JAKMIP1: variants seen among roughly 807,000 people sequenced by gnomAD.
JAKMIP1 encodes janus kinase and microtubule interacting protein 1, also known as janus kinase and microtubule-interacting protein 1.
In JAKMIP1, 33 loss-of-function variants were observed where a neutral mutation model predicts 113.0. The ratio of observed to expected loss-of-function variants is 0.29; its 90% CI spans 0.22 to 0.39. JAKMIP1 has a LOEUF of 0.39. Among genes scored for constraint, JAKMIP1 ranks in the 10% least tolerant of loss-of-function variants. The pLI is 1.00. For missense variants in JAKMIP1, 813 were observed against 1,080.5 expected, an observed-to-expected ratio of 0.75 and a Z score of 3.47; for synonymous variants, 480 against 459.9, an observed-to-expected ratio of 1.04 and a Z score of -0.56.
chr4:6,147,677 C>T (rs1721022541), intron 1 of JAKMIP1, among the ~76,000 whole-genome samples: 1 of 152,250 alleles, frequency 6.6e-6, no homozygotes, highest in Non-Finnish European at 1.5e-5. Context: ...ACCGGGTCCA[C>T]ACCAACTCTC....
At chr4:6,159,395 A>G (rs1291240046) in intron 1 of JAKMIP1, among the ~76,000 whole-genome samples, 1 of 152,228 alleles carries the variant, frequency 6.6e-6, no homozygotes, top group Non-Finnish European at 1.5e-5. Flanking sequence ...ATCATAGAGC[A>G]AAAACATCAA....
In JAKMIP1 at chr4:6,064,953, G is replaced by A. The variant is rs775667524; in HGVS notation, c.1358C>T (p.Thr453Met). The change falls in exon 9 of 21, where the codon ACG becomes ATG. Residue 453 changes from threonine to methionine, a missense_variant. Thr to Met is a moderately conservative substitution (Grantham distance 81, BLOSUM62 -1). Around this residue, in one of 2 missense-constraint regions of JAKMIP1, gnomAD observed 540 missense variants for 653.9 expected, o/e 0.83. Coordinates refer to ENST00000409021, the MANE Select transcript of JAKMIP1 (RefSeq NM_001099433.2). The surrounding 1 kb of genome is among the most constrained non-coding windows in gnomAD (Gnocchi z 4.3). Reference sequence around the variant, plus strand: ...TGTGTTGTAGGATGTTTCGGACAACGTTTCTGAGTCCACAGACTCCTCATC... The same window carrying A: ...TGTGTTGTAGGATGTTTCGGACAACATTTCTGAGTCCACAGACTCCTCATC... ...GFDEESVDSE[T>M]LSETSYNTDR... 2.5e-6 allele frequency: 4 copies of A among 1,614,082 alleles called. No homozygotes were observed. Among genetic ancestry groups the A allele is most frequent in the Non-Finnish European group, 3.4e-6 (4 of 1,180,000 alleles).
intron 10 of JAKMIP1, 93 bp from the exon 11 acceptor site, chr4:6,060,600 GGTCCTTATAGGCA>G: frequency 2.2e-6 from 2 of 890,720 alleles, no homozygotes; most frequent in Non-Finnish European, 3.8e-6. Flanking sequence ...CAATGCCTAG[GGTCCTTATAGGCA>G]AACCTTAGGA....
At chr4:6,047,279 C>T (rs1264261606) in intron 16 of JAKMIP1, among the ~76,000 whole-genome samples, 2 of 152,262 alleles carry the variant, frequency 1.3e-5, no homozygotes, top group African/African-American at 2.4e-5. Flanking sequence ...GCACTTGACA[C>T]TAAGATGCTC....
intron 8 of JAKMIP1, among the ~76,000 whole-genome samples, chr4:6,068,172 C>T (rs1246833515): frequency 1.3e-5 from 2 of 152,096 alleles, no homozygotes; most frequent in Non-Finnish European, 2.9e-5. Flanking sequence ...ACTACCAATG[C>T]TGCCGAAAAC....
intron 3 of JAKMIP1, among the ~76,000 whole-genome samples, chr4:6,103,115 T>C (rs757312108): frequency 1.3e-5 from 2 of 152,236 alleles, no homozygotes; most frequent in Non-Finnish European, 2.9e-5. Flanking sequence ...AAATGTTCAA[T>C]ATTTCATCAT....
In JAKMIP1 at chr4:6,200,511, T is replaced by G. The variant is rs979372189; in HGVS notation, c.-406A>C. The G allele has an allele frequency of 2.0e-5, 3 of 150,464 alleles. No individual in the cohort carries two copies. The highest frequency in any genetic ancestry group is 7.3e-5 in the African/African-American group (3 of 41,060). The allele number at this position is 150,464 out of a possible 1,614,324, so 9.3% of individuals were successfully genotyped here. ...GAGGCCGCGGCACTGGTGGCCGCGA[T>G]CCGGGCAGGCGGCCGGCGCGTGCCG... On this transcript the variant is annotated 5_prime_UTR_variant, in exon 1 of 21. Coordinates refer to ENST00000409021, the MANE Select transcript of JAKMIP1 (RefSeq NM_001099433.2). The surrounding 1 kb of genome is among the most constrained non-coding windows in gnomAD (Gnocchi z 7.0).
At position 6,143,012 on chromosome 4, in the gene JAKMIP1, TG is replaced by T. The variant is rs1720378471; in HGVS notation, c.-147-30016del. Among the ~76,000 whole-genome samples, 1 of 152,130 alleles carries T rather than the reference TG, an allele frequency of 6.6e-6. No homozygotes were observed. Among genetic ancestry groups the T allele is most frequent in the South Asian group, 2.1e-4 (1 of 4,820 alleles). On this transcript the variant is annotated intron_variant, in intron 1 of 20. Coordinates refer to ENST00000409021, the MANE Select transcript of JAKMIP1 (RefSeq NM_001099433.2). This position sits in a 1 kb window ranked among gnomAD's most constrained non-coding sequence, Gnocchi z 4.9. ...AAAGAAAAACTGCCTCGATGCCTTC[TG>T]GGGGCAGCCTGGTGGACTCTGGAAG...
intron 13 of JAKMIP1, chr4:6,053,832 T>C (rs1296303983): frequency 3.6e-6 from 5 of 1,374,224 alleles, no homozygotes; most frequent in East Asian, 2.6e-5. Context: ...TACATGTCCA[T>C]AGACTTGGGT....
At chr4:6,085,996 C>G (rs1721241190) in intron 3 of JAKMIP1, among the ~76,000 whole-genome samples, 1 of 152,086 alleles carries the variant, frequency 6.6e-6, no homozygotes, top group Non-Finnish European at 1.5e-5. Flanking sequence ...CTCTCTCCGT[C>G]TCCAGGACCA....
At position 6,089,671 on chromosome 4, in the gene JAKMIP1, C is replaced by T. The variant is rs898501676; in HGVS notation, c.625-4042G>A. Among the ~76,000 whole-genome samples the T allele has an allele frequency of 6.6e-6, 1 of 152,164 alleles. No individual in the cohort carries two copies. Among genetic ancestry groups the T allele is most frequent in the Non-Finnish European group, 1.5e-5 (1 of 68,012 alleles). On this transcript the variant is annotated intron_variant, in intron 3 of 20. Coordinates refer to ENST00000409021, the MANE Select transcript of JAKMIP1 (RefSeq NM_001099433.2). The surrounding 1 kb of genome is among the most constrained non-coding windows in gnomAD (Gnocchi z 5.3). ...ACCAGGAAATGTATCTTAGTGAAAA[C>T]AAGCCCACTGACCCATGACTGATTT...
intron 1 of JAKMIP1, among the ~76,000 whole-genome samples, chr4:6,144,251 T>C (rs921049970): frequency 2.0e-5 from 3 of 152,212 alleles, no homozygotes; most frequent in African/African-American, 7.2e-5. Flanking sequence ...TAAACATACT[T>C]AACACCTAGA....
At chr4:6,098,586 G>A (rs1712299241) in intron 3 of JAKMIP1, among the ~76,000 whole-genome samples, 1 of 136,946 alleles carries the variant, frequency 7.3e-6, no homozygotes, top group Admixed American at 7.4e-5. Flanking sequence ...AAGAAAGAAG[G>A]AAAGGAAGAA....
chr4:6,160,712 C>A (rs976525064), intron 1 of JAKMIP1, among the ~76,000 whole-genome samples: 1 of 152,154 alleles, frequency 6.6e-6, no homozygotes, highest in Admixed American at 6.5e-5. Flanking sequence ...GCCTCCCTGC[C>A]CCTCTACAGT....
rs1288307700 is a variant in JAKMIP1, at chr4:6,116,577, C to T, written c.-147-3580G>A. Among the ~76,000 whole-genome samples, 5 of 152,068 alleles carry T rather than the reference C, an allele frequency of 3.3e-5. No homozygotes were observed. The highest frequency in any genetic ancestry group is 3.3e-4 in the Admixed American group (5 of 15,280). Reference sequence around the variant, plus strand: ...AAATATTCATCTCCCGCAAACCAGTCCTGTTGGCCCCAGAACTGAAATATC... The same window carrying T: ...AAATATTCATCTCCCGCAAACCAGTTCTGTTGGCCCCAGAACTGAAATATC... On this transcript the variant is annotated intron_variant, in intron 1 of 20. Coordinates refer to ENST00000409021, the MANE Select transcript of JAKMIP1 (RefSeq NM_001099433.2). The surrounding 1 kb of genome is among the most constrained non-coding windows in gnomAD (Gnocchi z 5.1).
intron 1 of JAKMIP1, among the ~76,000 whole-genome samples, chr4:6,127,773 C>T (rs1717912354): frequency 6.6e-6 from 1 of 152,234 alleles, no homozygotes; most frequent in Non-Finnish European, 1.5e-5. Flanking sequence ...TGACAGGAGG[C>T]CCCACTCGGG....
Position 6,127,287 on chromosome 4 carries a change from A to C in JAKMIP1, c.-147-14290T>G, listed in dbSNP as rs537246916. 3.3e-5 allele frequency among the ~76,000 whole-genome samples: 5 copies of C among 152,258 alleles called. No individual in the cohort carries two copies. The East Asian group carries it at 7.7e-4, about 24-fold the overall frequency. On this transcript the variant is annotated intron_variant, in intron 1 of 20. Coordinates refer to ENST00000409021, the MANE Select transcript of JAKMIP1 (RefSeq NM_001099433.2). ...CAGCCAGGGCATAGGCTGTTCCCCC[A>C]ATTTAGAGATGAGAAAACTGAGGCT...
At chr4:6,161,272 C>T (rs1399284391) in intron 1 of JAKMIP1, among the ~76,000 whole-genome samples, 2 of 133,620 alleles carry the variant, frequency 1.5e-5, no homozygotes, top group African/African-American at 7.4e-5. Context: ...CCACTCACTT[C>T]CCCTGACCTC....
chr4:6,171,665 A>C (rs28380276), intron 1 of JAKMIP1, among the ~76,000 whole-genome samples: 75,035 of 152,028 alleles, frequency 0.49, 19,684 homozygotes, highest in East Asian at 0.78. Context: ...GGGAAGACAG[A>C]GTCTTCACAT....
Sources: gnomAD v4.1 joint callset for allele counts (sites outside exome capture counted in the v4.1 genomes callset) on GRCh38, gnomAD v4.1.1 for gene constraint, gnomAD v4.1.1 regional missense constraint, Gnocchi (gnomAD v3.1) non-coding constraint, MANE v1.5 for transcripts, NCBI Gene and HGNC (gene_info 2026-07-23, HGNC 2026-07-21) for gene names.